The following ADAMTS12 variants were observed in gnomAD, a reference collection of about 807,000 sequenced individuals.
ADAMTS12 encodes the protein A disintegrin and metalloproteinase with thrombospondin motifs 12.
A neutral mutation model predicts 167.8 loss-of-function variants in ADAMTS12; 118 were observed. The observed-to-expected ratio is 0.70, with a 90% confidence interval of 0.61 to 0.82. The LOEUF (loss-of-function observed/expected upper bound fraction) is 0.82, where lower values mean the gene tolerates loss of function less well. Among genes scored for constraint, ADAMTS12 ranks in the 40% least tolerant of loss-of-function variants. ADAMTS12 has a pLI of 0.00. For synonymous variants in ADAMTS12, 704 were observed against 716.9 expected (o/e 0.98, Z 0.29); for missense variants, 1,916 against 1,998.8 (o/e 0.96, Z 0.79).
chr5:33,787,361 G>A (rs112143862), intron 2 of ADAMTS12, among the ~76,000 whole-genome samples: 7 of 152,160 alleles, frequency 4.6e-5, no homozygotes, highest in African/African-American at 1.7e-4. Flanking sequence ...TCCATTGCAG[G>A]GCCACTGTCC....
chr5:33,581,546 G>T (rs1191833586), intron 18 of ADAMTS12, among the ~76,000 whole-genome samples: 1 of 152,170 alleles, frequency 6.6e-6, no homozygotes, highest in Non-Finnish European at 1.5e-5. Flanking sequence ...GAGGGTTTGG[G>T]CTAAAGGGCT....
chr5:33,630,580 G>A (rs1739871005), intron 13 of ADAMTS12, among the ~76,000 whole-genome samples, 200 bp downstream of exon 13: 1 of 152,122 alleles, frequency 6.6e-6, no homozygotes, highest in Admixed American at 6.6e-5. Flanking sequence ...GAAGATGACG[G>A]CAGAAGGAAA....
chr5:33,762,690 G>A (rs1745401102), intron 2 of ADAMTS12, among the ~76,000 whole-genome samples: 1 of 152,054 alleles, frequency 6.6e-6, no homozygotes, highest in African/African-American at 2.4e-5. Context: ...AGAAAATGGG[G>A]ATTCTTCCCT....
At chr5:33,597,066 C>T (rs1182047390) in intron 16 of ADAMTS12, among the ~76,000 whole-genome samples, 1 of 152,166 alleles carries the variant, frequency 6.6e-6, no homozygotes, top group Non-Finnish European at 1.5e-5. Flanking sequence ...CCAAACCTCT[C>T]AACAACCCAA....
intron 2 of ADAMTS12, among the ~76,000 whole-genome samples, chr5:33,866,770 A>G (rs1749838726): frequency 6.6e-6 from 1 of 152,102 alleles, no homozygotes; most frequent in Non-Finnish European, 1.5e-5. Flanking sequence ...AACCCCATCT[A>G]AAAGTGGGCA....
At chr5:33,880,972 G>T in intron 2 of ADAMTS12, 147 bp downstream of exon 2, 1 of 1,203,954 alleles carries the variant, frequency 8.3e-7, no homozygotes, top group Non-Finnish European at 1.1e-6. Flanking sequence ...ATACTTTCTC[G>T]CCAACCACTT....
At chr5:33,825,118 C>T (rs185813648) in intron 2 of ADAMTS12, among the ~76,000 whole-genome samples, 5 of 152,276 alleles carry the variant, frequency 3.3e-5, no homozygotes, top group Middle Eastern at 3.4e-3. Flanking sequence ...ATAGAGTTCC[C>T]GGGAAAACTA....
intron 20 of ADAMTS12, among the ~76,000 whole-genome samples, chr5:33,560,373 A>G (rs897515003): frequency 2.0e-4 from 31 of 152,320 alleles, no homozygotes; most frequent in Non-Finnish European, 3.7e-4. Flanking sequence ...GCGATTCCTC[A>G]GGGATCTAGA....
chr5:33,686,007 A>G (rs1175176631), intron 3 of ADAMTS12, among the ~76,000 whole-genome samples: 1 of 152,104 alleles, frequency 6.6e-6, no homozygotes, highest in Non-Finnish European at 1.5e-5. Context: ...CGGCTGTTAC[A>G]GGTTGGGCTG....
chr5:33,856,897 G>T (rs562681155), intron 2 of ADAMTS12, among the ~76,000 whole-genome samples: 2 of 152,176 alleles, frequency 1.3e-5, no homozygotes, highest in South Asian at 4.1e-4. Context: ...TCCACTTTTG[G>T]GTATATACCC....
intron 22 of ADAMTS12, among the ~76,000 whole-genome samples, chr5:33,536,862 G>C (rs1248632572): frequency 6.6e-6 from 1 of 152,210 alleles, no homozygotes; most frequent in Non-Finnish European, 1.5e-5. Context: ...GCATTTTTAT[G>C]ACTTCACATT....
chr5:33,760,920 T>TGTGTGTGTGC (rs1323504319), intron 2 of ADAMTS12, among the ~76,000 whole-genome samples: 27 of 146,162 alleles, frequency 1.8e-4, no homozygotes, highest in African/African-American at 6.8e-4. Flanking sequence ...TGTGTGTGTG[T>TGTGTGTGTGC]GCGTATGCGC....
In ADAMTS12 at chr5:33,869,197, A is replaced by C. The variant is rs574016581; in HGVS notation, c.489+11922T>G. ...GGACACTGCTCCCTGTGTCCCAGCC[A>C]CTCTAGCTCCAGCCATGGCTAAAAG... On this transcript the variant is annotated intron_variant, in intron 2 of 23. Transcript: ENST00000504830. Among the ~76,000 whole-genome samples, 14 of 151,942 alleles carry C rather than the reference A, an allele frequency of 9.2e-5. No homozygotes were observed. In the South Asian group the frequency reaches 2.9e-3, roughly 32 times the overall value.
chr5:33,571,562 C>G (rs151262246), intron 19 of ADAMTS12, among the ~76,000 whole-genome samples: 101,333 of 151,170 alleles, frequency 0.67, 34,992 homozygotes, highest in African/African-American at 0.84. Context: ...AACAAAGACA[C>G]CACATACCAG....
intron 2 of ADAMTS12, among the ~76,000 whole-genome samples, chr5:33,828,273 C>A (rs1288439422): frequency 2.6e-5 from 4 of 152,190 alleles, no homozygotes; most frequent in African/African-American, 7.2e-5. Context: ...TTCTGAATCA[C>A]TGAGTTCGAG....
chr5:33,576,873 A>G lies in ADAMTS12; in HGVS notation c.3153T>C (p.Pro1051=). ...CTTCTTTGGAGGCTGTGGTAGGACT[A>G]GGGCTGCTGATTGCTGGAGTGCTTG... ...MSTSTPAISS[P]SPTTASKEGD... is the part of the protein sequence containing the mutation. Residue 1051 remains proline (P), a synonymous_variant, in exon 19 of 24, where the codon CCT becomes CCC. Transcript: ENST00000504830. The G allele has an allele frequency of 1.9e-6, 3 of 1,614,156 alleles. 1 individual carries two copies. The South Asian group carries it at 3.3e-5, about 18-fold the overall frequency.
At chr5:33,825,446 A>C (rs1748028173) in intron 2 of ADAMTS12, among the ~76,000 whole-genome samples, 1 of 152,166 alleles carries the variant, frequency 6.6e-6, no homozygotes, top group Non-Finnish European at 1.5e-5. Flanking sequence ...TCAGTGGCCA[A>C]AGCTGGATGA....
chr5:33,705,493 A>T (rs1743163419), intron 3 of ADAMTS12, among the ~76,000 whole-genome samples: 1 of 152,162 alleles, frequency 6.6e-6, no homozygotes, highest in Non-Finnish European at 1.5e-5. Context: ...ACATATAAAA[A>T]TCAGTCATTT....
intron 2 of ADAMTS12, among the ~76,000 whole-genome samples, chr5:33,851,193 A>G (rs1356665281): frequency 1.3e-5 from 2 of 152,196 alleles, no homozygotes; most frequent in African/African-American, 2.4e-5. Flanking sequence ...CAGGCAGATC[A>G]CGAGGTCAGG....
Sources: allele counts gnomAD v4.1 joint callset (sites outside exome capture counted in the v4.1 genomes callset), GRCh38; gene constraint gnomAD v4.1.1; transcripts MANE v1.5; gene names NCBI Gene and HGNC (gene_info 2026-07-23, HGNC 2026-07-21).